FBXO42: variants seen among roughly 807,000 people sequenced by gnomAD.
FBXO42 encodes F-box protein 42.
Under a neutral mutation model 71.7 loss-of-function variants are expected in FBXO42, and 12 were observed. The observed-to-expected ratio is 0.17, with a 90% CI of 0.11 to 0.27. The LOEUF (loss-of-function observed/expected upper bound fraction) is 0.27, where lower values mean the gene tolerates loss of function less well. FBXO42 is among the 10% of genes least tolerant of loss of function. The pLI is 1.00. For synonymous variants in FBXO42, 325 were observed against 327.5 expected (o/e 0.99, Z 0.08); for missense variants, 707 against 911.9 (o/e 0.78, Z 2.89).
chr1:16,256,616 A>G lies in FBXO42; in HGVS notation c.646T>C (p.Ser216Pro), dbSNP rs1455789250. ...FFDEIHTYSP[S>P]KNWWNCIVTT... is the part of the protein sequence containing the mutation. The stretch of plus-strand genomic sequence containing the variant: ...ATCTTTGTGACTTACCAATTTTTAG[A>G]GGGTGAGTAAGTGTGTATTTCATCA... The change falls in exon 5 of 10, where the codon TCT becomes CCT. Residue 216 changes from serine to proline, a missense_variant. Physicochemically the swap from Ser to Pro is moderately conservative, Grantham distance 74. Around this residue, in one of 5 missense-constraint regions of FBXO42, gnomAD observed 10 missense variants for 40.2 expected, o/e 0.25. Coordinates refer to ENST00000375592, the MANE Select transcript of FBXO42 (RefSeq NM_018994.3). 4.3e-6 allele frequency: 7 copies of G among 1,613,552 alleles called. No homozygotes were observed. Among genetic ancestry groups the G allele is most frequent in the East Asian group, 4.5e-5 (2 of 44,884 alleles).
chr1:16,296,054 A>T (rs889449791), intron 3 of FBXO42, among the ~76,000 whole-genome samples: 1 of 152,192 alleles, frequency 6.6e-6, no homozygotes, highest in Non-Finnish European at 1.5e-5. Flanking sequence ...TGACTATCAG[A>T]AGGGCTGTTA....
intron 3 of FBXO42, among the ~76,000 whole-genome samples, chr1:16,296,427 G>A (rs980779192): frequency 2.7e-5 from 4 of 149,524 alleles, no homozygotes; most frequent in East Asian, 1.9e-4. Flanking sequence ...TGAGGCAGGC[G>A]GATCATGAGG....
intron 1 of FBXO42, among the ~76,000 whole-genome samples, chr1:16,336,353 T>C (rs1238511757): frequency 6.6e-6 from 1 of 151,646 alleles, no homozygotes; most frequent in Non-Finnish European, 1.5e-5. Flanking sequence ...GCTGCCCTTT[T>C]TTGTTTGTTT....
intron 1 of FBXO42, among the ~76,000 whole-genome samples, chr1:16,319,740 G>A (rs1237020663): frequency 5.9e-5 from 9 of 151,804 alleles, no homozygotes; most frequent in Middle Eastern, 3.2e-3. Flanking sequence ...GTGAAACTCC[G>A]TCTCTACTAA....
intron 4 of FBXO42, among the ~76,000 whole-genome samples, chr1:16,281,464 CTTTT>C (rs908356155): frequency 6.8e-6 from 1 of 147,734 alleles, no homozygotes; most frequent in Admixed American, 6.7e-5. Flanking sequence ...TTTTCTTTTT[CTTTT>C]TTTGTTTTTT....
chr1:16,350,757 A>AAAAGAAAGAAAGAAAAAG (rs2082695206), intron 1 of FBXO42, among the ~76,000 whole-genome samples: 1 of 44,248 alleles, frequency 2.3e-5, no homozygotes, highest in African/African-American at 8.5e-5. Flanking sequence ...AAAAAAAAAA[A>AAAAGAAAGAAAGAAAAAG]AAAGAAAGAA....
intron 4 of FBXO42, among the ~76,000 whole-genome samples, chr1:16,285,535 G>A (rs535908565): frequency 1.2e-4 from 18 of 152,192 alleles, no homozygotes; most frequent in African/African-American, 4.3e-4. Context: ...GCCTCCCAAA[G>A]TACTGGGATT....
intron 4 of FBXO42, among the ~76,000 whole-genome samples, chr1:16,291,906 A>G (rs981882621): frequency 3.3e-5 from 5 of 152,194 alleles, no homozygotes; most frequent in Non-Finnish European, 5.9e-5. Context: ...TCCTGGCCTC[A>G]AGAGATCCTC....
At chr1:16,286,863 T>C (rs2100514602) in intron 4 of FBXO42, among the ~76,000 whole-genome samples, 1 of 152,322 alleles carries the variant, frequency 6.6e-6, no homozygotes, top group African/African-American at 2.4e-5. Flanking sequence ...TTCTTTCTCT[T>C]TCCTACTCTA....
chr1:16,262,629 G>A (rs557321971), intron 4 of FBXO42, among the ~76,000 whole-genome samples: 2 of 152,298 alleles, frequency 1.3e-5, no homozygotes, highest in African/African-American at 4.8e-5. Flanking sequence ...GGTGGAGGTT[G>A]CAGTGAGCCC....
intron 1 of FBXO42, among the ~76,000 whole-genome samples, chr1:16,342,965 C>T (rs1047016451): frequency 3.9e-5 from 6 of 152,160 alleles, no homozygotes; most frequent in African/African-American, 1.4e-4. Flanking sequence ...CACTGTGATA[C>T]AGCTGGAAAG....
intron 1 of FBXO42, among the ~76,000 whole-genome samples, chr1:16,334,171 C>T (rs1318606203): frequency 1.3e-5 from 2 of 152,050 alleles, no homozygotes; most frequent in Non-Finnish European, 2.9e-5. Flanking sequence ...CGGTGGCTCA[C>T]GCCTGTAATC....
chr1:16,295,489 C>T (rs2082119278), intron 3 of FBXO42, among the ~76,000 whole-genome samples: 1 of 152,090 alleles, frequency 6.6e-6, no homozygotes. Context: ...CTCCCAGGTG[C>T]AAGCGATTCT....
chr1:16,250,598 T>G lies in FBXO42; in HGVS notation c.*72A>C. 1 of 1,505,084 alleles carries G rather than the reference T, an allele frequency of 6.6e-7. No individual in the cohort carries two copies. Among genetic ancestry groups the G allele is most frequent in the East Asian group, 2.3e-5 (1 of 43,746 alleles). The allele number at this position is 1,505,084 out of a possible 1,614,324, so 93.2% of individuals were successfully genotyped here. On this transcript the variant is annotated 3_prime_UTR_variant, in exon 10 of 10. Transcript: ENST00000375592. This position sits in a 1 kb window ranked among gnomAD's most constrained non-coding sequence, Gnocchi z 4.7. ...GGGAGTAATTTTGTTTTCCCAATTC[T>G]CAGTCCAAATGCTTACACACTGGAA...
intron 1 of FBXO42, among the ~76,000 whole-genome samples, chr1:16,341,449 AATT>A (rs909609815): frequency 6.6e-6 from 1 of 151,380 alleles, no homozygotes; most frequent in East Asian, 1.9e-4. Context: ...AAAATGCAAA[AATT>A]ATTTGGGAGT....
intron 3 of FBXO42, among the ~76,000 whole-genome samples, chr1:16,301,839 C>G (rs1449660626): frequency 6.6e-6 from 1 of 151,930 alleles, no homozygotes. Context: ...AGAGATGTTG[C>G]CCAAATTGGT....
At chr1:16,277,813 G>A (rs941858256) in intron 4 of FBXO42, among the ~76,000 whole-genome samples, 8 of 151,132 alleles carry the variant, frequency 5.3e-5, no homozygotes, top group African/African-American at 1.9e-4. Context: ...GGATGAGGCA[G>A]GAGGATCACT....
chr1:16,260,730 C>A (rs1269965093), intron 4 of FBXO42, among the ~76,000 whole-genome samples: 1 of 152,082 alleles, frequency 6.6e-6, no homozygotes, highest in Non-Finnish European at 1.5e-5. Flanking sequence ...AGGTCTCACT[C>A]TGGCACCCAG....
chr1:16,323,749 C>T (rs1019440245), intron 1 of FBXO42, among the ~76,000 whole-genome samples: 23 of 141,620 alleles, frequency 1.6e-4, no homozygotes, highest in African/African-American at 5.8e-4. Context: ...GAGATCGTAC[C>T]ACTGCACTCC....
Sources: gnomAD v4.1 joint callset for allele counts (sites outside exome capture counted in the v4.1 genomes callset) on GRCh38, gnomAD v4.1.1 for gene constraint, gnomAD v4.1.1 regional missense constraint, Gnocchi (gnomAD v3.1) non-coding constraint, MANE v1.5 for transcripts, NCBI Gene and HGNC (gene_info 2026-07-23, HGNC 2026-07-21) for gene names.